Variants in MIER3 observed in about 807,000 individuals in gnomAD.
The protein encoded by MIER3 is MIER family member 3.
In MIER3, 9 loss-of-function variants were observed where a neutral mutation model predicts 63.2. That is an observed-to-expected ratio of 0.14 (90% CI 0.09 to 0.25). The LOEUF is 0.25. Among genes scored for constraint, MIER3 ranks in the 10% least tolerant of loss-of-function variants. The pLI is 1.00. For missense variants in MIER3, 512 were observed against 666.2 expected, an observed-to-expected ratio of 0.77 and a Z score of 2.55; for synonymous variants, 205 against 224.9, an observed-to-expected ratio of 0.91 and a Z score of 0.79.
chr5:56,935,283 A>G, intron 7 of MIER3, 145 bp downstream of exon 7: 1 of 656,594 alleles, frequency 1.5e-6, no homozygotes, highest in Non-Finnish European at 2.6e-6. Context: ...ATTTTTCCTA[A>G]GTCAGGCCTA....
rs1035149899 is a variant in MIER3, at chr5:56,933,115, A to G, written c.747+132T>C. ...ACTCAAGGTTATGGTTTTTTAAACC[A>G]GTATTTTGCATATTTTAAAACTCTT... On this transcript the variant is annotated intron_variant, in intron 8 of 12. Coordinates refer to ENST00000381199, the MANE Select transcript of MIER3 (RefSeq NM_001297599.2). The G allele has an allele frequency of 1.4e-5, 13 of 928,900 alleles. No individual in the cohort carries two copies. In the African/African-American group the frequency reaches 2.2e-4, roughly 16 times the overall value. 57.5% of individuals were successfully genotyped at this position (928,900 alleles called of 1,614,324 possible).
At chr5:56,934,969 G>C (rs957942974) in intron 7 of MIER3, among the ~76,000 whole-genome samples, 2 of 152,218 alleles carry the variant, frequency 1.3e-5, no homozygotes, top group African/African-American at 4.8e-5. Flanking sequence ...GAGTATACAA[G>C]TGAAAGCAGA....
At chr5:56,948,429 C>A (rs575503789) in intron 2 of MIER3, among the ~76,000 whole-genome samples, 2 of 151,930 alleles carry the variant, frequency 1.3e-5, no homozygotes, top group Admixed American at 1.3e-4. Flanking sequence ...TTTGGGAGGC[C>A]GAAGTGGGGG....
chr5:56,946,610 T>C (rs1750830194), intron 3 of MIER3, among the ~76,000 whole-genome samples: 1 of 152,148 alleles, frequency 6.6e-6, no homozygotes, highest in Non-Finnish European at 1.5e-5. Flanking sequence ...GAATAGTAGT[T>C]ACAATGGAAA....
At position 56,930,698 on chromosome 5, in the gene MIER3, G is replaced by C; in HGVS notation, c.795C>G (p.Ile265Met). ...LKCNHNIKEA[I>M]ERYCCNGKAS... ...CCTTTCCATTGCAGCAGTATCTTTC[G>C]ATTGCTTCCTTTATATTGTGGTTAC... The change falls in exon 9 of 13, where the codon ATC becomes ATG. Residue 265 changes from isoleucine (I) to methionine (M), a missense_variant. By Grantham distance (10) the Ile-to-Met change is conservative. Transcript: ENST00000381199. The C allele has an allele frequency of 1.2e-6, 2 of 1,613,692 alleles. No individual in the cohort carries two copies. Among genetic ancestry groups the C allele is most frequent in the Non-Finnish European group, 1.7e-6 (2 of 1,179,780 alleles).
intron 8 of MIER3, among the ~76,000 whole-genome samples, chr5:56,931,812 G>A (rs1011573728): frequency 1.3e-5 from 2 of 152,036 alleles, no homozygotes; most frequent in Non-Finnish European, 2.9e-5. Context: ...ATAATGACCC[G>A]AAAACCAGAA....
chr5:56,945,515 G>A (rs900902754), intron 3 of MIER3, among the ~76,000 whole-genome samples: 2 of 152,076 alleles, frequency 1.3e-5, no homozygotes, highest in Non-Finnish European at 2.9e-5. Flanking sequence ...CTCTCAGATG[G>A]CAGTAATATG....
At chr5:56,948,616 C>T (rs1312786447) in intron 2 of MIER3, among the ~76,000 whole-genome samples, 1 of 151,960 alleles carries the variant, frequency 6.6e-6, no homozygotes, top group Non-Finnish European at 1.5e-5. Flanking sequence ...CTGTAGTGAG[C>T]CAAGATCACA....
chr5:56,948,706 T>G (rs1007874306), intron 2 of MIER3, among the ~76,000 whole-genome samples: 4 of 152,110 alleles, frequency 2.6e-5, no homozygotes, highest in African/African-American at 9.7e-5. Context: ...ATAAGAATAT[T>G]TATTAATTAG....
At chr5:56,934,570 T>C (rs1406164774) in intron 7 of MIER3, among the ~76,000 whole-genome samples, 1 of 152,146 alleles carries the variant, frequency 6.6e-6, no homozygotes, top group East Asian at 1.9e-4. Context: ...CTGAACATCA[T>C]CAGCTATGTT....
intron 1 of MIER3, 80 bp from the exon 2 acceptor site, chr5:56,950,732 G>A (rs1750993516): frequency 1.3e-6 from 2 of 1,533,818 alleles, no homozygotes; most frequent in Non-Finnish European, 1.8e-6. Context: ...GCGCAGAGGA[G>A]GCGGAGTCGA....
Position 56,935,677 on chromosome 5 carries a change from C to A in MIER3, c.511G>T (p.Asp171Tyr). Reference protein sequence around the residue: ...VETDSGNSPEDLRKEIMIGLQ... With the variant: ...VETDSGNSPEYLRKEIMIGLQ... ...TTAACTCAGCTTACCTTCCTCAAATCTTCAGGTGAATTACCACTGTCTGTT... is the reference window on the plus strand; with the variant it reads ...TTAACTCAGCTTACCTTCCTCAAATATTCAGGTGAATTACCACTGTCTGTT... The change falls in exon 6 of 13, where the codon GAT (aspartate) becomes TAT (tyrosine). Residue 171 changes from aspartate (D) to tyrosine (Y), a missense_variant. Transcript: ENST00000381199. 6.2e-7 allele frequency: 1 copy of A among 1,613,742 alleles called. No homozygotes were observed. The highest frequency in any genetic ancestry group is 8.5e-7 in the Non-Finnish European group (1 of 1,179,712).
rs1749666204 is a variant in MIER3, at chr5:56,921,397, G to A, written c.*1731C>T. ...GAGCCCAGGCTACCCATTATTTACTGTGTGCATACAGGAATGCTATACTTC... is the reference window on the plus strand; with the variant it reads ...GAGCCCAGGCTACCCATTATTTACTATGTGCATACAGGAATGCTATACTTC... On this transcript the variant is annotated 3_prime_UTR_variant, in exon 13 of 13. Transcript: ENST00000381199. 1 of 152,442 alleles carries A rather than the reference G, an allele frequency of 6.6e-6. No individual in the cohort carries two copies. The highest frequency in any genetic ancestry group is 2.1e-4 in the South Asian group (1 of 4,828). The allele number at this position is 152,442 out of a possible 1,614,324, so 9.4% of individuals were successfully genotyped here. A position where few individuals can be genotyped will look rare whatever the true frequency, so the allele number is the denominator to read the frequency against.
At chr5:56,937,548 T>C (rs369746812) in intron 5 of MIER3, 30 bp downstream of exon 5, 247 of 1,584,172 alleles carry the variant, frequency 1.6e-4, no homozygotes, top group Non-Finnish European at 2.1e-4. Flanking sequence ...TCAATGTTAC[T>C]ATTTATCAGT....
rs1246910805 is a variant in MIER3, at chr5:56,921,385, C to A, written c.*1743G>T. 1 of 152,310 alleles carries A rather than the reference C, an allele frequency of 6.6e-6. No individual in the cohort carries two copies. The highest frequency in any genetic ancestry group is 2.4e-5 in the African/African-American group (1 of 41,414). 9.4% of individuals were successfully genotyped at this position (152,310 alleles called of 1,614,324 possible). A position where few individuals can be genotyped will look rare whatever the true frequency, so the allele number is the denominator to read the frequency against. ...GAAAGTAACACAGAGCCCAGGCTAC[C>A]CATTATTTACTGTGTGCATACAGGA... is the stretch of plus-strand genomic sequence containing the variant. On this transcript the variant is annotated 3_prime_UTR_variant, in exon 13 of 13. Transcript: ENST00000381199.
chr5:56,952,036 G>A (rs1298245518), intron 1 of MIER3, 58 bp downstream of exon 1: 8 of 1,252,556 alleles, frequency 6.4e-6, no homozygotes, highest in South Asian at 2.0e-5. Flanking sequence ...CGGGGGTCGC[G>A]GGGAGCCGCC....
chr5:56,949,025 T>C (rs1244732889), intron 2 of MIER3, among the ~76,000 whole-genome samples: 1 of 152,180 alleles, frequency 6.6e-6, no homozygotes. Flanking sequence ...ATTTGCAAAA[T>C]ACATGGGGAT....
chr5:56,950,765 A>G (rs1031061320), intron 1 of MIER3, 113 bp from the exon 2 acceptor site: 2 of 1,217,412 alleles, frequency 1.6e-6, no homozygotes, highest in Non-Finnish European at 2.4e-6. Context: ...AGCTGCCAAA[A>G]GTGCAAGACG....
intron 1 of MIER3, 62 bp from the exon 2 acceptor site, chr5:56,950,714 G>T: frequency 6.3e-7 from 1 of 1,586,238 alleles, no homozygotes; most frequent in Non-Finnish European, 8.6e-7. Flanking sequence ...GGCAGCGCCG[G>T]CAACAGGGCG....
Sources: gnomAD v4.1 joint callset for allele counts (sites outside exome capture counted in the v4.1 genomes callset) on GRCh38, gnomAD v4.1.1 for gene constraint, MANE v1.5 for transcripts, NCBI Gene and HGNC (gene_info 2026-07-23, HGNC 2026-07-21) for gene names.